Variants in EVI5L observed in about 807,000 individuals in gnomAD.
The protein encoded by EVI5L is ecotropic viral integration site 5 like.
In EVI5L, 30 loss-of-function variants were observed where a neutral mutation model predicts 106.1. That is an observed-to-expected ratio of 0.28 (90% CI 0.21 to 0.38). EVI5L has a LOEUF of 0.38. EVI5L is among the 10% of genes least tolerant of loss of function. The pLI is 1.00. For synonymous variants in EVI5L, 489 were observed against 483.3 expected, an observed-to-expected ratio of 1.01 and a Z score of -0.15; for missense variants, 809 against 1,098.0, an observed-to-expected ratio of 0.74 and a Z score of 3.72.
intron 5 of EVI5L, among the ~76,000 whole-genome samples, chr19:7,849,588 A>G (rs1469392378): frequency 2.6e-5 from 4 of 152,194 alleles, no homozygotes; most frequent in African/African-American, 9.6e-5. Context: ...TCTCTCTGCC[A>G]CATCTCAGGG....
chr19:7,834,093 TC>T (rs758041774), intron 1 of EVI5L, among the ~76,000 whole-genome samples: 12 of 152,178 alleles, frequency 7.9e-5, no homozygotes, highest in Non-Finnish European at 1.6e-4. Flanking sequence ...ACGCCTGTAA[TC>T]CCGGCACTTT....
At chr19:7,849,939 C>T (rs555214968) in intron 5 of EVI5L, 58 bp from the exon 6 acceptor site, 20 of 1,445,116 alleles carry the variant, frequency 1.4e-5, no homozygotes, top group Admixed American at 1.2e-4. Context: ...TGATGAGCAG[C>T]GAGATGCCCC....
chr19:7,853,289 G>A lies in EVI5L; in HGVS notation c.1102G>A (p.Ala368Thr). 2 of 1,613,748 alleles carry A rather than the reference G, an allele frequency of 1.2e-6. No homozygotes were observed. Among genetic ancestry groups the A allele is most frequent in the East Asian group, 2.2e-5 (1 of 44,870 alleles). ...GATCTGCAGGCTGGAGAAGGAGTAC[G>A]CAGCCATGAAGAGCAAGGAGATGGA... ...KKMKRLEKEYAAMKSKEMEEQ... is the reference protein window; with the variant it reads ...KKMKRLEKEYTAMKSKEMEEQ... Residue 368 changes from alanine (A) to threonine (T), a missense_variant, in exon 10 of 20, where the codon GCA becomes ACA. By Grantham distance (58) the Ala-to-Thr change is moderately conservative. This residue lies in a region of EVI5L where 357 missense variants were observed against 588.1 expected (regional missense o/e 0.61). Transcript: ENST00000538904.
chr19:7,848,040 G>T lies in EVI5L; in HGVS notation c.327+119G>T. ...CCAGCCTGGGCACAGCGGCAGCAGT[G>T]GAGATGTGCAGGCACTTTCAGGGTG... On this transcript the variant is annotated intron_variant, in intron 3 of 19. Transcript: ENST00000538904. This position sits in a 1 kb window ranked among gnomAD's most constrained non-coding sequence, Gnocchi z 4.8. 1 of 1,123,254 alleles carries T rather than the reference G, an allele frequency of 8.9e-7. No individual in the cohort carries two copies. Among genetic ancestry groups the T allele is most frequent in the Non-Finnish European group, 1.2e-6 (1 of 809,466 alleles). 69.6% of individuals were successfully genotyped at this position (1,123,254 alleles called of 1,614,324 possible).
chr19:7,858,208 G>T lies in EVI5L; in HGVS notation c.1251G>T (p.Ala417=). The T allele has an allele frequency of 6.4e-7, 1 of 1,565,800 alleles. No homozygotes were observed. Among genetic ancestry groups the T allele is most frequent in the Non-Finnish European group, 8.7e-7 (1 of 1,155,454 alleles). The part of the protein sequence containing the change: ...DRLIQGQVTR[A]QEAEENYVIK... ...GTTCTCAGGGGCAAGTGACACGGGC[G>T]CAGGAGGCGGAGGAGAACTACGTCA... is the stretch of plus-strand genomic sequence containing the variant. Residue 417 remains alanine (A), a synonymous_variant, in exon 13 of 20, where the codon GCG becomes GCT. Transcript: ENST00000538904. The surrounding 1 kb of genome is among the most constrained non-coding windows in gnomAD (Gnocchi z 5.7).
intron 2 of EVI5L, 141 bp downstream of exon 2, chr19:7,846,820 GACACCTCCTTT>G: frequency 8.5e-7 from 1 of 1,174,808 alleles, no homozygotes; most frequent in South Asian, 1.6e-5. Context: ...ATGAGGGACA[GACACCTCCTTT>G]CATCCTCCCA....
At chr19:7,843,596 CAAG>C (rs1005992611) in intron 1 of EVI5L, among the ~76,000 whole-genome samples, 2 of 123,234 alleles carry the variant, frequency 1.6e-5, no homozygotes, top group Non-Finnish European at 1.7e-5. Context: ...GGGTGTGTGT[CAAG>C]TGTGTGTGTA....
In EVI5L at chr19:7,864,662, C is replaced by G. The variant is rs1316211790; in HGVS notation, c.*960C>G. 6.6e-6 allele frequency: 1 copy of G among 152,234 alleles called. No individual in the cohort carries two copies. Among genetic ancestry groups the G allele is most frequent in the Admixed American group, 6.5e-5 (1 of 15,280 alleles). 9.4% of individuals were successfully genotyped at this position (152,234 alleles called of 1,614,324 possible). A position where few individuals can be genotyped will look rare whatever the true frequency, so the allele number is the denominator to read the frequency against. On this transcript the variant is annotated 3_prime_UTR_variant, in exon 20 of 20. Transcript: ENST00000538904. The surrounding 1 kb of genome is among the most constrained non-coding windows in gnomAD (Gnocchi z 4.5). ...AGAACGGTGCCAAAATCCAACGATG[C>G]CCCCCAGGCCCCTTCCTCCCTTCCC...
At chr19:7,853,587 G>C (rs1377680363) in intron 10 of EVI5L, 4 of 577,696 alleles carry the variant, frequency 6.9e-6, no homozygotes, top group Admixed American at 6.1e-5. Flanking sequence ...CAGCGTCATG[G>C]GGAAGCAATC....
chr19:7,855,667 T>TAA (rs1979485110), intron 10 of EVI5L, among the ~76,000 whole-genome samples: 1 of 152,184 alleles, frequency 6.6e-6, no homozygotes, highest in South Asian at 2.1e-4. Flanking sequence ...CCCCCACTGA[T>TAA]TCCCGCACAA....
In EVI5L at chr19:7,857,308, T is replaced by TG; in HGVS notation, c.1233+188dup. 1 of 739,386 alleles carries TG rather than the reference T, an allele frequency of 1.4e-6. No individual in the cohort carries two copies. Among genetic ancestry groups the TG allele is most frequent in the Middle Eastern group, 3.8e-4 (1 of 2,650 alleles). The allele number at this position is 739,386 out of a possible 1,614,324, so 45.8% of individuals were successfully genotyped here. The stretch of plus-strand genomic sequence containing the variant: ...TCCCGGGGGGGCGGGGCATGTGAAG[T>TG]GGGGAGAAGGGTGTGTGTGGAGGGG... On this transcript the variant is annotated intron_variant, in intron 12 of 19. Transcript: ENST00000538904. This position sits in a 1 kb window ranked among gnomAD's most constrained non-coding sequence, Gnocchi z 4.5.
chr19:7,857,226 C>A lies in EVI5L; in HGVS notation c.1233+102C>A. The A allele has an allele frequency of 6.8e-7, 1 of 1,477,460 alleles. No homozygotes were observed. The highest frequency in any genetic ancestry group is 9.2e-7 in the Non-Finnish European group (1 of 1,081,450). The allele number at this position is 1,477,460 out of a possible 1,614,324, so 91.5% of individuals were successfully genotyped here. A position where few individuals can be genotyped will look rare whatever the true frequency, so the allele number is the denominator to read the frequency against. ...CGCCTCTTCCCTGCCATTCTGCGGG[C>A]AGGCCTGGCGCCATGCATGGAGCAG... On this transcript the variant is annotated intron_variant, in intron 12 of 19. Transcript: ENST00000538904. This position sits in a 1 kb window ranked among gnomAD's most constrained non-coding sequence, Gnocchi z 4.5.
Position 7,856,979 on chromosome 19 carries a change from A to G in EVI5L, c.1201-113A>G. The G allele has an allele frequency of 1.8e-6, 2 of 1,094,416 alleles. No homozygotes were observed. Among genetic ancestry groups the G allele is most frequent in the Non-Finnish European group, 2.7e-6 (2 of 733,228 alleles). The allele number at this position is 1,094,416 out of a possible 1,614,324, so 67.8% of individuals were successfully genotyped here. Reference sequence around the variant, plus strand: ...TCCCTCCTCTCTCCCCCGCTTCTAGAGATAGTCCACTGCGTTAGTGACAAG... The same window carrying G: ...TCCCTCCTCTCTCCCCCGCTTCTAGGGATAGTCCACTGCGTTAGTGACAAG... On this transcript the variant is annotated intron_variant, in intron 11 of 19. Coordinates refer to ENST00000538904, the MANE Select transcript of EVI5L (RefSeq NM_001159944.3). This position sits in a 1 kb window ranked among gnomAD's most constrained non-coding sequence, Gnocchi z 6.6.
In EVI5L at chr19:7,850,192, C is replaced by G. The variant is rs1979172369; in HGVS notation, c.753+70C>G. The stretch of plus-strand genomic sequence containing the variant: ...ACAGGTGGGCAGGGCCGCAAGGGAG[C>G]AGGATCGCAGAAGGGCAGGGCTGGC... On this transcript the variant is annotated intron_variant, in intron 6 of 19. Coordinates refer to ENST00000538904, the MANE Select transcript of EVI5L (RefSeq NM_001159944.3). The surrounding 1 kb of genome is among the most constrained non-coding windows in gnomAD (Gnocchi z 5.4). 3 of 1,538,172 alleles carry G rather than the reference C, an allele frequency of 2.0e-6. No homozygotes were observed. The highest frequency in any genetic ancestry group is 2.6e-6 in the Non-Finnish European group (3 of 1,142,508).
At chr19:7,836,594 G>A (rs764343286) in intron 1 of EVI5L, among the ~76,000 whole-genome samples, 2 of 151,874 alleles carry the variant, frequency 1.3e-5, no homozygotes, top group Non-Finnish European at 2.9e-5. Flanking sequence ...TAAAGCCGTC[G>A]TTGGCTTTTC....
rs757453721 is a variant in EVI5L at position 7,863,277 on chromosome 19, C to T, written c.2136C>T (p.Ala712=). 3.9e-6 allele frequency: 6 copies of T among 1,554,842 alleles called. No individual in the cohort carries two copies. Among genetic ancestry groups the T allele is most frequent in the Non-Finnish European group, 5.2e-6 (6 of 1,149,234 alleles). Residue 712 remains alanine (A), a synonymous_variant, in exon 19 of 20, where the codon GCC becomes GCT. Coordinates refer to ENST00000538904, the MANE Select transcript of EVI5L (RefSeq NM_001159944.3). The surrounding 1 kb of genome is among the most constrained non-coding windows in gnomAD (Gnocchi z 7.7). ...ELKDQIEELK[A]EVRLLKGPPP... The stretch of plus-strand genomic sequence containing the variant: ...AGGACCAGATCGAGGAGCTGAAGGC[C>T]GAGGTGAGCCGGCGCGGGGATGCCG...
rs1979959098 is a variant in EVI5L at position 7,863,493 on chromosome 19, C to A, written c.2209C>A (p.His737Asn). 11 of 1,581,928 alleles carry A rather than the reference C, an allele frequency of 7.0e-6. No homozygotes were observed. The highest frequency in any genetic ancestry group is 9.4e-6 in the Non-Finnish European group (11 of 1,165,100). The change falls in exon 20 of 20, where the codon CAC (histidine) becomes AAC (asparagine). Residue 737 changes from histidine (H) to asparagine (N), a missense_variant. Transcript: ENST00000538904. This position sits in a 1 kb window ranked among gnomAD's most constrained non-coding sequence, Gnocchi z 7.7. ...TTTCGATGGGCTGAGCCTGGCGCGG[C>A]ACTTGGACGAGGACTCGCTGCCGTC... ...LAFDGLSLAR[H>N]LDEDSLPSSD...
Position 7,858,619 on chromosome 19 carries a change from C to A in EVI5L, c.1374+288C>A. On this transcript the variant is annotated intron_variant, in intron 13 of 19. Coordinates refer to ENST00000538904, the MANE Select transcript of EVI5L (RefSeq NM_001159944.3). This position sits in a 1 kb window ranked among gnomAD's most constrained non-coding sequence, Gnocchi z 5.7. ...GCCTCTGAAGACCGGGCTGTCCCTG[C>A]AGGGTTTCCTCTGTGTCACAGGCAG... 2.1e-6 allele frequency: 1 copy of A among 466,450 alleles called. No homozygotes were observed. Among genetic ancestry groups the A allele is most frequent in the Non-Finnish European group, 3.8e-6 (1 of 260,620 alleles). The allele number at this position is 466,450 out of a possible 1,614,324, so 28.9% of individuals were successfully genotyped here.
rs1568246722 is a variant in EVI5L at position 7,863,102 on chromosome 19, G to A, written c.2043+35G>A. 7 of 702,956 alleles carry A rather than the reference G, an allele frequency of 1.0e-5. No homozygotes were observed. The highest frequency in any genetic ancestry group is 1.0e-5 in the Non-Finnish European group (4 of 390,866). The allele number at this position is 702,956 out of a possible 1,614,324, so 43.5% of individuals were successfully genotyped here. A position where few individuals can be genotyped will look rare whatever the true frequency, so the allele number is the denominator to read the frequency against. Reference sequence around the variant, plus strand: ...GGGGCCGGGGTCGGGGGGCGGGGGCGGGGGCAGGGCCCGGGGCAGGAGCGG... The same window carrying A: ...GGGGCCGGGGTCGGGGGGCGGGGGCAGGGGCAGGGCCCGGGGCAGGAGCGG... On this transcript the variant is annotated intron_variant, in intron 18 of 19. Coordinates refer to ENST00000538904, the MANE Select transcript of EVI5L (RefSeq NM_001159944.3). This position sits in a 1 kb window ranked among gnomAD's most constrained non-coding sequence, Gnocchi z 7.7.
Sources: gnomAD v4.1 joint callset for allele counts (sites outside exome capture counted in the v4.1 genomes callset) on GRCh38, gnomAD v4.1.1 for gene constraint, gnomAD v4.1.1 regional missense constraint, Gnocchi (gnomAD v3.1) non-coding constraint, MANE v1.5 for transcripts, NCBI Gene and HGNC (gene_info 2026-07-23, HGNC 2026-07-21) for gene names.